Variants in NEK7 observed in about 807,000 individuals in gnomAD.
NEK7 encodes serine/threonine-protein kinase Nek7.
In NEK7, 18 loss-of-function variants were observed where a neutral mutation model predicts 44.6. The ratio of observed to expected loss-of-function variants is 0.40; its 90% CI spans 0.28 to 0.60. NEK7 has a LOEUF of 0.60. Among genes scored for constraint, NEK7 ranks in the 20% least tolerant of loss-of-function variants. The pLI, the probability that NEK7 is intolerant of heterozygous loss-of-function variation, is 0.38. For missense variants in NEK7, 256 were observed against 366.5 expected, an observed-to-expected ratio of 0.70 and a Z score of 2.46; for synonymous variants, 130 against 121.1, an observed-to-expected ratio of 1.07 and a Z score of -0.48.
intron 9 of NEK7, among the ~76,000 whole-genome samples, chr1:198,300,340 C>T (rs767425863): frequency 1.3e-5 from 2 of 152,182 alleles, no homozygotes; most frequent in East Asian, 1.9e-4. Flanking sequence ...TATTGATCAT[C>T]GGATATTCTT....
chr1:198,224,282 G>T (rs1418758081), intron 1 of NEK7, among the ~76,000 whole-genome samples: 1 of 149,044 alleles, frequency 6.7e-6, no homozygotes, highest in Non-Finnish European at 1.5e-5. Flanking sequence ...CCTTTTCCAT[G>T]TTTAGATACA....
chr1:198,261,909 T>C (rs904743056), intron 3 of NEK7, among the ~76,000 whole-genome samples: 1 of 151,936 alleles, frequency 6.6e-6, no homozygotes, highest in Admixed American at 6.6e-5. Context: ...ATACAGTATA[T>C]CTGTTTATGT....
At chr1:198,213,000 C>G (rs1223744471) in intron 1 of NEK7, among the ~76,000 whole-genome samples, 2 of 152,216 alleles carry the variant, frequency 1.3e-5, no homozygotes, top group African/African-American at 4.8e-5. Flanking sequence ...CACTAAGGCT[C>G]TTTCTAACCA....
rs761592281 is a variant in NEK7, at chr1:198,253,092, A to G, written c.110A>G (p.Glu37Gly). The G allele has an allele frequency of 6.2e-7, 1 of 1,612,728 alleles. No homozygotes were observed. The highest frequency in any genetic ancestry group is 8.5e-7 in the Non-Finnish European group (1 of 1,178,984). Residue 37 changes from glutamate (E) to glycine (G), a missense_variant, in exon 3 of 10, where the codon GAA (glutamate) becomes GGA (glycine). Physicochemically the swap from Glu to Gly is moderately conservative, Grantham distance 98. This residue lies in a region of NEK7 where 96 missense variants were observed against 94.9 expected (regional missense o/e 1.01). Transcript: ENST00000367385. ...AATACATTAGCCAACTTTCGAATAG[A>G]AAAGAAAATTGGTCGCGGACAATTT... ...GYNTLANFRI[E>G]KKIGRGQFSE...
intron 1 of NEK7, among the ~76,000 whole-genome samples, chr1:198,222,479 C>A (rs73078721): frequency 0.012 from 1,839 of 152,160 alleles, 34 homozygotes; most frequent in African/African-American, 0.042. Context: ...TTCCTGACAC[C>A]TGCCCTGTTT....
intron 9 of NEK7, among the ~76,000 whole-genome samples, chr1:198,302,762 G>A (rs1184631267): frequency 2.6e-5 from 4 of 151,848 alleles, no homozygotes; most frequent in African/African-American, 9.7e-5. Context: ...CAATTTTCCT[G>A]CTAAAGAAGG....
At chr1:198,230,714 A>G (rs974351370) in intron 1 of NEK7, among the ~76,000 whole-genome samples, 2 of 152,100 alleles carry the variant, frequency 1.3e-5, no homozygotes, top group Non-Finnish European at 2.9e-5. Flanking sequence ...TTGGACTAAT[A>G]AGGAAGTTTA....
chr1:198,233,713 A>G (rs941036155), intron 2 of NEK7, among the ~76,000 whole-genome samples: 1 of 141,304 alleles, frequency 7.1e-6, no homozygotes, highest in African/African-American at 2.6e-5. Context: ...TATAGGCTGT[A>G]GTGTTTTCCA....
At chr1:198,158,789 T>C (rs1348950642) in intron 1 of NEK7, among the ~76,000 whole-genome samples, 5 of 152,168 alleles carry the variant, frequency 3.3e-5, no homozygotes, top group African/African-American at 1.2e-4. Context: ...GAGGAAGGAA[T>C]TCTCTCTCCC....
chr1:198,278,815 A>G (rs1054699686), intron 6 of NEK7, 139 bp from the exon 7 acceptor site: 24 of 581,052 alleles, frequency 4.1e-5, no homozygotes, highest in Non-Finnish European at 5.8e-5. Context: ...GAATTATTCA[A>G]AATAAACTAA....
intron 9 of NEK7, among the ~76,000 whole-genome samples, chr1:198,311,516 C>G (rs201091387): frequency 6.6e-6 from 1 of 150,738 alleles, no homozygotes; most frequent in African/African-American, 2.4e-5. Flanking sequence ...GTCTTGTGCC[C>G]GTTTTCAAAG....
intron 9 of NEK7, among the ~76,000 whole-genome samples, chr1:198,312,919 A>T (rs1304749426): frequency 1.3e-5 from 2 of 152,120 alleles, no homozygotes; most frequent in African/African-American, 4.8e-5. Flanking sequence ...TTTTCTGTTG[A>T]TTTGGGTTGG....
intron 1 of NEK7, among the ~76,000 whole-genome samples, chr1:198,215,807 A>T (rs774144720): frequency 1.3e-4 from 9 of 66,932 alleles, no homozygotes; most frequent in Non-Finnish European, 2.0e-4. Flanking sequence ...GTAAAAAAAT[A>T]AAAAAAAACA....
chr1:198,262,564 T>C lies in NEK7; in HGVS notation c.199-11T>C. 1 of 1,555,782 alleles carries C rather than the reference T, an allele frequency of 6.4e-7. No homozygotes were observed. The highest frequency in any genetic ancestry group is 8.8e-7 in the Non-Finnish European group (1 of 1,133,728). On this transcript the variant is annotated splice_polypyrimidine_tract_variant and intron_variant, in intron 3 of 9. Transcript: ENST00000367385. ...ATTATTTTATTAAGTAATTCTGGGT[T>C]CTGTTTTTAGATATTTGATTTAATG...
Position 198,264,343 on chromosome 1 carries a change from G to A in NEK7, c.372+108G>A. ...GATATTTTAAACTAAAGACCTCAATGCAAAGCTTATCTGATAGATATGTAA... is the reference window on the plus strand; with the variant it reads ...GATATTTTAAACTAAAGACCTCAATACAAAGCTTATCTGATAGATATGTAA... On this transcript the variant is annotated intron_variant, in intron 5 of 9. Transcript: ENST00000367385. 6.8e-6 allele frequency: 5 copies of A among 731,872 alleles called. No homozygotes were observed. In the South Asian group the frequency reaches 8.7e-5, roughly 13 times the overall value. 45.3% of individuals were successfully genotyped at this position (731,872 alleles called of 1,614,324 possible).
At chr1:198,166,114 C>T (rs1182661647) in intron 1 of NEK7, among the ~76,000 whole-genome samples, 1 of 152,230 alleles carries the variant, frequency 6.6e-6, no homozygotes, top group Non-Finnish European at 1.5e-5. Context: ...GGAAATGTGA[C>T]TGGTTTGATC....
At chr1:198,283,841 A>G (rs1654286739) in intron 7 of NEK7, among the ~76,000 whole-genome samples, 1 of 152,082 alleles carries the variant, frequency 6.6e-6, no homozygotes, top group East Asian at 1.9e-4. Context: ...CACACTGGTT[A>G]CAGCCCACTA....
chr1:198,274,330 G>A (rs1239862524), intron 5 of NEK7, among the ~76,000 whole-genome samples: 4 of 151,196 alleles, frequency 2.6e-5, no homozygotes, highest in African/African-American at 7.3e-5. Context: ...TCCCTGGGTT[G>A]GCTACACAAT....
chr1:198,185,992 A>G (rs1664911604), intron 1 of NEK7, among the ~76,000 whole-genome samples: 1 of 152,204 alleles, frequency 6.6e-6, no homozygotes, highest in African/African-American at 2.4e-5. Flanking sequence ...TAAAACTCAT[A>G]CACATAGTCT....
Sources: gnomAD v4.1 joint callset for allele counts (sites outside exome capture counted in the v4.1 genomes callset) on GRCh38, gnomAD v4.1.1 for gene constraint, gnomAD v4.1.1 regional missense constraint, MANE v1.5 for transcripts, NCBI Gene and HGNC (gene_info 2026-07-23, HGNC 2026-07-21) for gene names.